Variants in SCAF8 observed in about 807,000 individuals in gnomAD.
SCAF8 encodes the protein SR-related CTD associated factor 8.
Under a neutral mutation model 140.5 loss-of-function variants are expected in SCAF8, and 23 were observed. The ratio of observed to expected loss-of-function variants is 0.16; its 90% CI spans 0.12 to 0.23. The LOEUF (loss-of-function observed/expected upper bound fraction) is 0.23. SCAF8 is among the 10% of genes least tolerant of loss of function. The probability of loss-of-function intolerance (pLI) is 1.00; values close to 1 mark genes in which losing one functional copy is unlikely to be tolerated. For synonymous variants in SCAF8, 575 were observed against 528.9 expected (o/e 1.09, Z -1.20); for missense variants, 1,397 against 1,555.7 (o/e 0.90, Z 1.72).
chr6:154,826,840 C>T (rs1478878453), intron 17 of SCAF8, among the ~76,000 whole-genome samples: 3 of 151,996 alleles, frequency 2.0e-5, no homozygotes, highest in Non-Finnish European at 4.4e-5. Flanking sequence ...AGTAAACACA[C>T]GTATCAAATA....
chr6:154,811,141 T>C (rs1049175458), intron 12 of SCAF8, among the ~76,000 whole-genome samples: 5 of 152,164 alleles, frequency 3.3e-5, no homozygotes, highest in African/African-American at 7.2e-5. Flanking sequence ...TAATATTGAT[T>C]ATCCTTGCTC....
chr6:154,830,190 G>T (rs944651356), intron 18 of SCAF8, among the ~76,000 whole-genome samples: 4 of 152,170 alleles, frequency 2.6e-5, no homozygotes, highest in African/African-American at 9.7e-5. Context: ...ATGACCACAG[G>T]TGTTTTTATT....
chr6:154,795,158 A>G lies in SCAF8; in HGVS notation c.606+19A>G, dbSNP rs2114885100. 1 of 1,585,840 alleles carries G rather than the reference A, an allele frequency of 6.3e-7. No homozygotes were observed. The highest frequency in any genetic ancestry group is 8.5e-7 in the Non-Finnish European group (1 of 1,169,598). On this transcript the variant is annotated intron_variant, in intron 6 of 19. Transcript: ENST00000367178. Reference sequence around the variant, plus strand: ...CCAGCAGGTGAGCGGTTTTTCTGTTATATCAAGAATAATTTAGAATTTAAT... The same window carrying G: ...CCAGCAGGTGAGCGGTTTTTCTGTTGTATCAAGAATAATTTAGAATTTAAT...
chr6:154,735,377 C>A (rs1778387535), intron 1 of SCAF8, among the ~76,000 whole-genome samples: 1 of 152,036 alleles, frequency 6.6e-6, no homozygotes, highest in Non-Finnish European at 1.5e-5. Flanking sequence ...GGAATCTTAG[C>A]TAAGAGGCTA....
At chr6:154,827,848 G>T (rs1778614539) in intron 18 of SCAF8, among the ~76,000 whole-genome samples, 1 of 150,620 alleles carries the variant, frequency 6.6e-6, no homozygotes, top group Non-Finnish European at 1.5e-5. Context: ...GGGGGGGGCG[G>T]TGTAAAACTT....
At chr6:154,785,744 CAAAT>C (rs1777232981) in intron 3 of SCAF8, among the ~76,000 whole-genome samples, 2 of 152,094 alleles carry the variant, frequency 1.3e-5, no homozygotes, top group Non-Finnish European at 2.9e-5. Flanking sequence ...GGTTCTTTGA[CAAAT>C]AACCATAACT....
intron 8 of SCAF8, 42 bp from the exon 9 acceptor site, chr6:154,805,327 T>A: frequency 8.7e-7 from 1 of 1,147,584 alleles, no homozygotes; most frequent in Non-Finnish European, 1.3e-6. Flanking sequence ...ATAGTATCTT[T>A]AGTGGGTTTT....
intron 6 of SCAF8, among the ~76,000 whole-genome samples, chr6:154,801,450 G>GT (rs1777769467): frequency 6.6e-6 from 1 of 151,428 alleles, no homozygotes; most frequent in Non-Finnish European, 1.5e-5. Flanking sequence ...TGTTGTGTCT[G>GT]TTTTTTAACA....
chr6:154,823,701 G>C (rs766050417), intron 16 of SCAF8, among the ~76,000 whole-genome samples: 1 of 152,226 alleles, frequency 6.6e-6, no homozygotes, highest in Non-Finnish European at 1.5e-5. Flanking sequence ...TTGTTAGGTA[G>C]AAGTATCTTT....
At chr6:154,765,176 A>C (rs188234919) in intron 1 of SCAF8, among the ~76,000 whole-genome samples, 1 of 152,308 alleles carries the variant, frequency 6.6e-6, no homozygotes, top group Admixed American at 6.5e-5. Flanking sequence ...GTCATTCATA[A>C]AATTCTCAAC....
intron 14 of SCAF8, among the ~76,000 whole-genome samples, chr6:154,819,344 T>C (rs1778348428): frequency 6.6e-6 from 1 of 152,094 alleles, no homozygotes; most frequent in Non-Finnish European, 1.5e-5. Flanking sequence ...CCCAGCACTT[T>C]GGGAGGCTGA....
In SCAF8 at chr6:154,733,618, C is replaced by G; in HGVS notation, c.-283C>G. 7.7e-7 allele frequency: 1 copy of G among 1,295,334 alleles called. No individual in the cohort carries two copies. The highest frequency in any genetic ancestry group is 2.5e-5 in the South Asian group (1 of 40,672). 80.2% of individuals were successfully genotyped at this position (1,295,334 alleles called of 1,614,324 possible). On this transcript the variant is annotated 5_prime_UTR_variant, in exon 1 of 20. Coordinates refer to ENST00000367178, the MANE Select transcript of SCAF8 (RefSeq NM_014892.5). ...GGCAGAGAAGAGAAGGCGCCGCGGC[C>G]CAGCCCCTCCCCCGCCCGCCGCCGA...
chr6:154,808,651 CTTTCTGTT>C (rs1777997189), intron 10 of SCAF8, 27 bp from the exon 11 acceptor site: 3 of 372,330 alleles, frequency 8.1e-6, no homozygotes, highest in East Asian at 3.4e-3. Context: ...CTCAACCAGC[CTTTCTGTT>C]TGTTTGCTGT....
At chr6:154,798,966 T>C (rs1486434343) in intron 6 of SCAF8, among the ~76,000 whole-genome samples, 1 of 150,758 alleles carries the variant, frequency 6.6e-6, no homozygotes, top group Non-Finnish European at 1.5e-5. Flanking sequence ...GCCTGGTTAA[T>C]TTTTTATTTT....
chr6:154,830,373 A>T (rs1778695256), intron 18 of SCAF8, among the ~76,000 whole-genome samples: 1 of 152,200 alleles, frequency 6.6e-6, no homozygotes, highest in Admixed American at 6.5e-5. Flanking sequence ...GTTTTTTAAT[A>T]TGTGTGACAA....
At chr6:154,821,212 C>G (rs1778413618) in intron 15 of SCAF8, among the ~76,000 whole-genome samples, 1 of 152,134 alleles carries the variant, frequency 6.6e-6, no homozygotes, top group African/African-American at 2.4e-5. Flanking sequence ...GCGCAGAGGT[C>G]AGCAACCTAA....
chr6:154,763,310 T>G (rs578081079), intron 1 of SCAF8, among the ~76,000 whole-genome samples: 2 of 152,200 alleles, frequency 1.3e-5, no homozygotes, highest in South Asian at 2.1e-4. Context: ...GCAGAAACTT[T>G]CATGAAGTTT....
At chr6:154,761,038 G>A (rs1299159992) in intron 1 of SCAF8, among the ~76,000 whole-genome samples, 2 of 152,010 alleles carry the variant, frequency 1.3e-5, no homozygotes, top group Non-Finnish European at 2.9e-5. Flanking sequence ...CTGGCCTCAA[G>A]CGATCCTCTC....
chr6:154,757,615 A>T (rs963661334), intron 1 of SCAF8, among the ~76,000 whole-genome samples: 1 of 152,216 alleles, frequency 6.6e-6, no homozygotes. Flanking sequence ...GAAGACATGA[A>T]AAAAATACCT....
Sources: gnomAD v4.1 joint callset for allele counts (sites outside exome capture counted in the v4.1 genomes callset) on GRCh38, gnomAD v4.1.1 for gene constraint, MANE v1.5 for transcripts, NCBI Gene and HGNC (gene_info 2026-07-23, HGNC 2026-07-21) for gene names.